The following MATN2 variants were observed in gnomAD, a reference collection of about 807,000 sequenced individuals.
The protein encoded by MATN2 is matrilin 2.
MATN2 carries 69 observed loss-of-function variants against 103.2 expected under a neutral mutation model. That is an observed-to-expected ratio of 0.67 (90% CI 0.55 to 0.82). The LOEUF (loss-of-function observed/expected upper bound fraction) is 0.82, where lower values mean the gene tolerates loss of function less well. Ranked by LOEUF, MATN2 falls within the 40% of genes least tolerant of loss-of-function variation. The pLI is 0.00. For missense variants in MATN2, 1,023 were observed against 1,211.5 expected (o/e 0.84, Z 2.31); for synonymous variants, 429 against 450.2 (o/e 0.95, Z 0.60).
At chr8:97,873,769 A>T (rs1214194838) in intron 1 of MATN2, among the ~76,000 whole-genome samples, 1 of 151,692 alleles carries the variant, frequency 6.6e-6, no homozygotes, top group Non-Finnish European at 1.5e-5. Flanking sequence ...TAACCCTCAA[A>T]TTTGTTTCTT....
At chr8:97,989,214 A>G (rs1416373770) in intron 6 of MATN2, among the ~76,000 whole-genome samples, 1 of 152,190 alleles carries the variant, frequency 6.6e-6, no homozygotes, top group Non-Finnish European at 1.5e-5. Context: ...TCACGCCTGT[A>G]ATCCCAGTAC....
At chr8:97,873,352 C>CTT (rs772184378) in intron 1 of MATN2, among the ~76,000 whole-genome samples, 1 of 142,150 alleles carries the variant, frequency 7.0e-6, no homozygotes, top group Admixed American at 7.1e-5. Context: ...CTCTTTTTTT[C>CTT]TTTTTTTTTT....
intron 4 of MATN2, among the ~76,000 whole-genome samples, chr8:97,949,501 T>C (rs1810871977): frequency 6.6e-6 from 1 of 152,114 alleles, no homozygotes; most frequent in Non-Finnish European, 1.5e-5. Context: ...AAAGATTGAC[T>C]ATACCATGTG....
chr8:97,985,227 G>A (rs1563708182), intron 6 of MATN2, among the ~76,000 whole-genome samples: 1 of 152,186 alleles, frequency 6.6e-6, no homozygotes, highest in African/African-American at 2.4e-5. Flanking sequence ...GAGGAAGCAA[G>A]AGAGAAAGGA....
intron 4 of MATN2, among the ~76,000 whole-genome samples, chr8:97,943,428 T>C (rs993897108): frequency 1.3e-5 from 2 of 150,740 alleles, no homozygotes; most frequent in Admixed American, 6.6e-5. Flanking sequence ...TCCTTCTCCT[T>C]CTCCTTCTCC....
intron 5 of MATN2, among the ~76,000 whole-genome samples, chr8:97,975,628 C>T (rs1044639489): frequency 6.6e-6 from 1 of 152,300 alleles, no homozygotes; most frequent in East Asian, 1.9e-4. Flanking sequence ...CAGCTCCTCT[C>T]TTTGTAGGGG....
intron 10 of MATN2, among the ~76,000 whole-genome samples, chr8:98,011,105 CA>C (rs1320642591): frequency 6.6e-6 from 1 of 152,154 alleles, no homozygotes; most frequent in Non-Finnish European, 1.5e-5. Flanking sequence ...AGCCAGCACC[CA>C]GCTGTGTCCT....
Position 97,877,111 on chromosome 8 carries a change from A to G in MATN2, c.-27+7824A>G, listed in dbSNP as rs143416200. Reference sequence around the variant, plus strand: ...GCCTCAACCTCCTGGTGCTCAAGCAATCCTCCCACCTCAGCCTCCCGAGTA... The same window carrying G: ...GCCTCAACCTCCTGGTGCTCAAGCAGTCCTCCCACCTCAGCCTCCCGAGTA... On this transcript the variant is annotated intron_variant, in intron 1 of 18. Transcript: ENST00000254898. Among the ~76,000 whole-genome samples the G allele has an allele frequency of 2.2e-3, 340 of 151,680 alleles. 2 individuals carry two copies. Among genetic ancestry groups the G allele is most frequent in the African/African-American group, 7.4e-3 (304 of 41,338 alleles).
chr8:97,899,499 T>C (rs1818917010), intron 2 of MATN2, among the ~76,000 whole-genome samples: 1 of 152,184 alleles, frequency 6.6e-6, no homozygotes, highest in Non-Finnish European at 1.5e-5. Flanking sequence ...AGGTGTCGGC[T>C]GTGTTGGTTT....
At chr8:97,960,042 C>G (rs951649842) in intron 4 of MATN2, among the ~76,000 whole-genome samples, 1 of 151,006 alleles carries the variant, frequency 6.6e-6, no homozygotes, top group Non-Finnish European at 1.5e-5. Flanking sequence ...CTCCACCTCC[C>G]GGGTTCAAGC....
intron 5 of MATN2, among the ~76,000 whole-genome samples, chr8:97,969,853 C>T (rs1166074081): frequency 3.9e-5 from 6 of 152,148 alleles, no homozygotes; most frequent in Non-Finnish European, 7.3e-5. Context: ...GGGTAAAGGG[C>T]AGATTTCAAG....
intron 1 of MATN2, among the ~76,000 whole-genome samples, chr8:97,871,071 G>C (rs1358711942): frequency 6.6e-6 from 1 of 152,202 alleles, no homozygotes; most frequent in Non-Finnish European, 1.5e-5. Flanking sequence ...GGAGGTGTCA[G>C]AGCAGAGTCC....
At chr8:98,008,157 C>T (rs939753845) in intron 10 of MATN2, among the ~76,000 whole-genome samples, 6 of 151,808 alleles carry the variant, frequency 4.0e-5, no homozygotes, top group African/African-American at 1.5e-4. Context: ...GGTGATCTCA[C>T]AGCACATGGT....
intron 8 of MATN2, 61 bp downstream of exon 8, chr8:98,003,844 G>A (rs552456250): frequency 3.8e-5 from 61 of 1,600,088 alleles, no homozygotes; most frequent in African/African-American, 1.3e-4. Context: ...GGGGGCGGGC[G>A]GGTTCACTAG....
chr8:97,914,687 C>G (rs1563664209), intron 2 of MATN2, among the ~76,000 whole-genome samples: 1 of 152,046 alleles, frequency 6.6e-6, no homozygotes, highest in Non-Finnish European at 1.5e-5. Context: ...GAGGCACATG[C>G]CGTCCACCCA....
In MATN2 at chr8:98,027,747, G is replaced by C; in HGVS notation, c.2274G>C (p.Arg758Ser). The C allele has an allele frequency of 6.2e-7, 1 of 1,612,688 alleles. No individual in the cohort carries two copies. The highest frequency in any genetic ancestry group is 1.1e-5 in the South Asian group (1 of 90,874). Residue 758 changes from arginine (R) to serine (S), a missense_variant, in exon 14 of 19, where the codon AGG (arginine) becomes AGC (serine). Physicochemically the swap from Arg to Ser is moderately radical, Grantham distance 110 (BLOSUM62 -1). Transcript: ENST00000254898. ...QGEGARPLST[R>S]VPRAAIVFTD... is the part of the protein sequence containing the mutation. ...AAGGGGCCAGGCCCCTTTCCACAAG[G>C]GTGCCCAGAGCAGCCATTGTGTTCA...
chr8:97,884,136 CTT>C (rs1260384394), intron 1 of MATN2, among the ~76,000 whole-genome samples: 2 of 139,596 alleles, frequency 1.4e-5, no homozygotes, highest in Non-Finnish European at 1.6e-5. Flanking sequence ...TCTTTTTTTT[CTT>C]TTTTTTTTTT....
At position 98,025,702 on chromosome 8, in the gene MATN2, C is replaced by T. The variant is rs763577758; in HGVS notation, c.1943-1714C>T. The T allele has an allele frequency of 2.9e-5, 12 of 408,564 alleles. No homozygotes were observed. The East Asian group carries it at 6.7e-4, about 23-fold the overall frequency. 25.3% of individuals were successfully genotyped at this position (408,564 alleles called of 1,614,324 possible). Reference sequence around the variant, plus strand: ...CAGAAGTTGCAGTAAGCCAAGATCGCGCCATTGTACTCCAGCCTGGGCGAC... The same window carrying T: ...CAGAAGTTGCAGTAAGCCAAGATCGTGCCATTGTACTCCAGCCTGGGCGAC... On this transcript the variant is annotated intron_variant, in intron 13 of 18. Coordinates refer to ENST00000254898, the MANE Select transcript of MATN2 (RefSeq NM_002380.5).
At chr8:97,962,989 G>A (rs1811363122) in intron 5 of MATN2, among the ~76,000 whole-genome samples, 1 of 152,144 alleles carries the variant, frequency 6.6e-6, no homozygotes, top group South Asian at 2.1e-4. Context: ...ACAAAAATTA[G>A]CTGGGTCTGG....
Sources: gnomAD v4.1 joint callset for allele counts (sites outside exome capture counted in the v4.1 genomes callset) on GRCh38, gnomAD v4.1.1 for gene constraint, MANE v1.5 for transcripts, NCBI Gene and HGNC (gene_info 2026-07-23, HGNC 2026-07-21) for gene names.